Variants in SPTLC1 observed in about 807,000 individuals in gnomAD.
SPTLC1 encodes the protein serine palmitoyltransferase 1.
SPTLC1 carries 55 observed loss-of-function variants against 68.9 expected under a neutral mutation model. The ratio of observed to expected loss-of-function variants is 0.80; its 90% CI spans 0.64 to 1.00. The LOEUF (loss-of-function observed/expected upper bound fraction) is 1.00. Ranked by LOEUF, SPTLC1 falls within the 50% of genes least tolerant of loss-of-function variation. SPTLC1 has a pLI of 0.00. For missense variants in SPTLC1, 449 were observed against 573.1 expected (o/e 0.78, Z 2.21); for synonymous variants, 197 against 201.6 (o/e 0.98, Z 0.19).
intron 3 of SPTLC1, among the ~76,000 whole-genome samples, chr9:92,100,828 C>T (rs1835720510): frequency 2.0e-5 from 3 of 148,334 alleles, no homozygotes; most frequent in South Asian, 2.1e-4. Flanking sequence ...AAAATGGATA[C>T]TAGCAAAAGA....
chr9:92,104,615 G>A, intron 3 of SPTLC1: 2 of 1,478,054 alleles, frequency 1.4e-6, no homozygotes, highest in Non-Finnish European at 9.1e-7. Flanking sequence ...TTCATTAGAT[G>A]AGCAGGTGAT....
intron 3 of SPTLC1, among the ~76,000 whole-genome samples, chr9:92,096,526 C>T (rs982494517): frequency 1.3e-5 from 2 of 152,176 alleles, no homozygotes; most frequent in African/African-American, 4.8e-5. Context: ...ATGTGTCATT[C>T]TTGAAAATAG....
At chr9:92,084,366 T>C (rs1214252061) in intron 3 of SPTLC1, among the ~76,000 whole-genome samples, 2 of 152,150 alleles carry the variant, frequency 1.3e-5, no homozygotes, top group Non-Finnish European at 2.9e-5. Flanking sequence ...CAGCATGATA[T>C]TGGCTGTGGG....
In SPTLC1 at chr9:92,050,047, G is replaced by A. The variant is rs1833654645; in HGVS notation, c.801C>T (p.Tyr267=). The A allele has an allele frequency of 6.2e-7, 1 of 1,612,104 alleles. No homozygotes were observed. Among genetic ancestry groups the A allele is most frequent in the South Asian group, 1.1e-5 (1 of 91,054 alleles). ...TTTCCTCCAGGAAGATTCTTGCTTT[G>A]TATTTGTATTTTAACTTAACCTAAG... ...LPELVKLKYK[Y]KARIFLEESL... is the part of the protein sequence containing the mutation. The change falls in exon 9 of 15, where the codon TAC becomes TAT. Residue 267 remains tyrosine, a synonymous_variant. Coordinates refer to ENST00000262554, the MANE Select transcript of SPTLC1 (RefSeq NM_006415.4).
At chr9:92,088,260 G>A (rs927783984) in intron 3 of SPTLC1, among the ~76,000 whole-genome samples, 1 of 152,244 alleles carries the variant, frequency 6.6e-6, no homozygotes, top group Non-Finnish European at 1.5e-5. Flanking sequence ...CCACTGTCCT[G>A]CGCCCACTGT....
chr9:92,079,656 C>G, intron 5 of SPTLC1: 2 of 1,195,598 alleles, frequency 1.7e-6, no homozygotes, highest in Non-Finnish European at 2.5e-6. Context: ...TGTTTCTCAG[C>G]CCCCTGCGTG....
At position 92,032,143 on chromosome 9, in the gene SPTLC1, A is replaced by G; in HGVS notation, c.*322T>C. On this transcript the variant is annotated 3_prime_UTR_variant, in exon 15 of 15. Coordinates refer to ENST00000262554, the MANE Select transcript of SPTLC1 (RefSeq NM_006415.4). ...AAGAGACACTGAAGCTCCAGTTTTA[A>G]ACGACAACAAAAGAATATAAAATAC... is the stretch of plus-strand genomic sequence containing the variant. 2 of 836,840 alleles carry G rather than the reference A, an allele frequency of 2.4e-6. No homozygotes were observed. The highest frequency in any genetic ancestry group is 3.6e-6 in the Non-Finnish European group (2 of 558,046). The allele number at this position is 836,840 out of a possible 1,614,324, so 51.8% of individuals were successfully genotyped here.
intron 3 of SPTLC1, among the ~76,000 whole-genome samples, chr9:92,089,809 GA>G (rs112751963): frequency 1.1e-4 from 17 of 152,276 alleles, no homozygotes; most frequent in African/African-American, 3.6e-4. Context: ...ACATGACAGT[GA>G]AACTGTAGAA....
At chr9:92,076,299 T>A (rs569456031) in intron 5 of SPTLC1, among the ~76,000 whole-genome samples, 1 of 152,250 alleles carries the variant, frequency 6.6e-6, no homozygotes, top group East Asian at 1.9e-4. Flanking sequence ...AGTAATCCAC[T>A]GCAAAGGACA....
intron 13 of SPTLC1, among the ~76,000 whole-genome samples, chr9:92,037,660 T>C (rs1376050459): frequency 6.6e-6 from 1 of 152,230 alleles, no homozygotes; most frequent in East Asian, 1.9e-4. Flanking sequence ...CAAGCAGTTT[T>C]CCCTGGTGAT....
chr9:92,090,328 T>G (rs1835310241), intron 3 of SPTLC1, among the ~76,000 whole-genome samples: 1 of 152,024 alleles, frequency 6.6e-6, no homozygotes, highest in South Asian at 2.1e-4. Context: ...TAATTAACAT[T>G]TGGGGCAAGG....
intron 3 of SPTLC1, chr9:92,105,245 G>A (rs887297382): frequency 1.3e-6 from 2 of 1,534,242 alleles, no homozygotes; most frequent in African/African-American, 1.4e-5. Flanking sequence ...GAGAGATGAG[G>A]GGCCCCCACC....
intron 3 of SPTLC1, among the ~76,000 whole-genome samples, chr9:92,084,130 G>T (rs1835015738): frequency 6.6e-6 from 1 of 151,394 alleles, no homozygotes; most frequent in African/African-American, 2.4e-5. Context: ...ATCAGCTTAA[G>T]GAGATTTTGG....
At chr9:92,050,557 A>C (rs1357379839) in intron 8 of SPTLC1, 1 of 161,148 alleles carries the variant, frequency 6.2e-6, no homozygotes, top group Non-Finnish European at 1.4e-5. Context: ...CAATGAATCA[A>C]CAGACATTAA....
intron 5 of SPTLC1, among the ~76,000 whole-genome samples, chr9:92,077,598 A>T (rs1834728057): frequency 6.6e-6 from 1 of 152,084 alleles, no homozygotes; most frequent in African/African-American, 2.4e-5. Context: ...AAAGAACAAT[A>T]ACCCTGTATA....
At chr9:92,091,581 T>C (rs796348716) in intron 3 of SPTLC1, among the ~76,000 whole-genome samples, 6 of 152,342 alleles carry the variant, frequency 3.9e-5, no homozygotes, top group African/African-American at 1.4e-4. Flanking sequence ...ATAAATCAAA[T>C]AACATTATTT....
intron 14 of SPTLC1, 56 bp downstream of exon 14, chr9:92,034,754 T>A (rs1360140990): frequency 6.9e-7 from 1 of 1,458,768 alleles, no homozygotes; most frequent in East Asian, 2.3e-5. Context: ...GATAACGTAT[T>A]TCATAGAGCT....
intron 3 of SPTLC1, among the ~76,000 whole-genome samples, chr9:92,095,880 T>A (rs758071279): frequency 9.0e-4 from 137 of 152,258 alleles, no homozygotes; most frequent in Non-Finnish European, 2.4e-4. Context: ...CCAGCTTCCA[T>A]TAAACACTGG....
chr9:92,102,496 A>C (rs1277194066), intron 3 of SPTLC1, among the ~76,000 whole-genome samples: 1 of 152,218 alleles, frequency 6.6e-6, no homozygotes, highest in African/African-American at 2.4e-5. Context: ...AATACAGAAC[A>C]ATATAAATTA....
Sources: allele counts gnomAD v4.1 joint callset (sites outside exome capture counted in the v4.1 genomes callset), GRCh38; gene constraint gnomAD v4.1.1; transcripts MANE v1.5; gene names NCBI Gene and HGNC (gene_info 2026-07-23, HGNC 2026-07-21).